Variants in IMMP2L observed in about 807,000 individuals in gnomAD.
The protein encoded by IMMP2L is inner mitochondrial membrane peptidase subunit 2, also known as mitochondrial inner membrane protease subunit 2.
IMMP2L carries 18 observed loss-of-function variants against 19.3 expected under a neutral mutation model. That is an observed-to-expected ratio of 0.93 (90% CI 0.64 to 1.38). The LOEUF is 1.38. IMMP2L is among the 40% of genes most tolerant of loss of function. The pLI, the probability that IMMP2L is intolerant of heterozygous loss-of-function variation, is 0.00. For synonymous variants in IMMP2L, 76 were observed against 73.0 expected, an observed-to-expected ratio of 1.04 and a Z score of -0.21; for missense variants, 233 against 218.2, an observed-to-expected ratio of 1.07 and a Z score of -0.43.
intron 3 of IMMP2L, among the ~76,000 whole-genome samples, chr7:111,296,505 T>TA (rs201949020): frequency 2.6e-5 from 4 of 151,840 alleles, no homozygotes; most frequent in African/African-American, 7.2e-5. Flanking sequence ...AGAATAGCTT[T>TA]AAAAAATGGT....
chr7:111,560,609 C>G (rs1322725121), intron 1 of IMMP2L, among the ~76,000 whole-genome samples: 1 of 152,200 alleles, frequency 6.6e-6, no homozygotes, highest in Non-Finnish European at 1.5e-5. Flanking sequence ...CTGCAAACCA[C>G]TATGATCAGT....
At position 110,904,927 on chromosome 7, in the gene IMMP2L, T is replaced by A. The variant is rs78238692; in HGVS notation, c.306-18232A>T. ...CAAAAGCAATCCTGTTTCACCCTTATCAAAAATCATCCCACTTAGATAATA... is the reference window on the plus strand; with the variant it reads ...CAAAAGCAATCCTGTTTCACCCTTAACAAAAATCATCCCACTTAGATAATA... On this transcript the variant is annotated intron_variant, in intron 4 of 5. Transcript: ENST00000405709. Among the ~76,000 whole-genome samples the A allele has an allele frequency of 5.1e-3, 770 of 152,264 alleles. 4 individuals are homozygous for A. Among genetic ancestry groups the A allele is most frequent in the African/African-American group, 0.018 (729 of 41,562 alleles).
At chr7:111,298,771 A>G (rs544510901) in intron 3 of IMMP2L, among the ~76,000 whole-genome samples, 59 of 151,892 alleles carry the variant, frequency 3.9e-4, no homozygotes, top group African/African-American at 1.4e-3. Flanking sequence ...AAAAAAAAAA[A>G]AGCAGCCGAT....
At chr7:111,200,091 T>C (rs890069856) in intron 3 of IMMP2L, among the ~76,000 whole-genome samples, 6 of 152,094 alleles carry the variant, frequency 3.9e-5, no homozygotes, top group African/African-American at 1.4e-4. Flanking sequence ...AGGTATAGAG[T>C]TATTTTTATT....
At chr7:111,537,532 T>C (rs2132889237) in intron 1 of IMMP2L, among the ~76,000 whole-genome samples, 1 of 134,642 alleles carries the variant, frequency 7.4e-6, no homozygotes, top group Non-Finnish European at 1.6e-5. Flanking sequence ...TTCCACTTTT[T>C]TTTTTTTTTT....
rs1282113653 is a variant in IMMP2L, at chr7:110,969,328, C to G, written c.240-5763G>C. On this transcript the variant is annotated intron_variant, in intron 3 of 5. Coordinates refer to ENST00000405709, the MANE Select transcript of IMMP2L (RefSeq NM_032549.4). ...ATGTAGGTCAGTAGTATTTCAGCTACCTTTTTCCCCTTGCATCATGTAAAT... is the reference window on the plus strand; with the variant it reads ...ATGTAGGTCAGTAGTATTTCAGCTAGCTTTTTCCCCTTGCATCATGTAAAT... 2.0e-5 allele frequency among the ~76,000 whole-genome samples: 3 copies of G among 151,992 alleles called. No individual in the cohort carries two copies. In the East Asian group the frequency reaches 5.8e-4, roughly 30 times the overall value.
At chr7:110,790,289 G>A (rs546636505) in intron 5 of IMMP2L, among the ~76,000 whole-genome samples, 3 of 151,826 alleles carry the variant, frequency 2.0e-5, no homozygotes, top group South Asian at 2.1e-4. Flanking sequence ...GGTAGCCAAA[G>A]GTTGGATCAT....
chr7:111,119,174 T>G (rs1741796416), intron 3 of IMMP2L, among the ~76,000 whole-genome samples: 1 of 152,218 alleles, frequency 6.6e-6, no homozygotes, highest in African/African-American at 2.4e-5. Flanking sequence ...GGTTTCTCCA[T>G]TCTCAGCTAA....
chr7:111,161,501 AG>A (rs1337122878), intron 3 of IMMP2L, among the ~76,000 whole-genome samples: 1 of 152,024 alleles, frequency 6.6e-6, no homozygotes. Flanking sequence ...CAATAGATAT[AG>A]AAAAAAGTAT....
chr7:111,018,784 CT>C lies in IMMP2L; in HGVS notation c.240-55220del, dbSNP rs372582725. 3.3e-5 allele frequency among the ~76,000 whole-genome samples: 4 copies of C among 120,968 alleles called. No homozygotes were observed. The East Asian group carries it at 8.9e-4, about 27-fold the overall frequency. 79.4% of individuals were successfully genotyped at this position (120,968 alleles called of 152,430 possible). ...CCTCTAACCACTGGAAATTGTGTGT[CT>C]TTTTATTATTATTATTATTATTATT... On this transcript the variant is annotated intron_variant, in intron 3 of 5. Transcript: ENST00000405709.
chr7:110,971,508 A>G (rs1052803824), intron 3 of IMMP2L, among the ~76,000 whole-genome samples: 1 of 152,102 alleles, frequency 6.6e-6, no homozygotes, highest in Non-Finnish European at 1.5e-5. Flanking sequence ...GGTGTCCATC[A>G]AGGTGCAGGG....
chr7:111,279,593 T>G (rs576760674), intron 3 of IMMP2L, among the ~76,000 whole-genome samples: 3 of 152,170 alleles, frequency 2.0e-5, no homozygotes, highest in Non-Finnish European at 4.4e-5. Flanking sequence ...TTTACAGTTT[T>G]GTCATCTATG....
In IMMP2L at chr7:110,891,424, C is replaced by T. The variant is rs116687009; in HGVS notation, c.306-4729G>A. Among the ~76,000 whole-genome samples the T allele has an allele frequency of 4.8e-3, 725 of 152,278 alleles. 3 individuals are homozygous for T. Among genetic ancestry groups the T allele is most frequent in the African/African-American group, 0.017 (695 of 41,574 alleles). On this transcript the variant is annotated intron_variant, in intron 4 of 5. Transcript: ENST00000405709. ...AAAGTTAAGAATCAACTTTAATTGG[C>T]CCCAGGCATCTGGCAGAGAATAATC...
At chr7:111,414,955 C>A in intron 3 of IMMP2L, among the ~76,000 whole-genome samples, 1 of 151,722 alleles carries the variant, frequency 6.6e-6, no homozygotes, top group South Asian at 2.1e-4. Flanking sequence ...GTGGGTAGGG[C>A]TTTAAGTATG....
intron 4 of IMMP2L, among the ~76,000 whole-genome samples, chr7:110,944,968 G>T (rs890729252): frequency 5.3e-5 from 8 of 151,900 alleles, no homozygotes; most frequent in Non-Finnish European, 1.0e-4. Context: ...TTGCAATCAT[G>T]TGAAAATATA....
chr7:111,492,059 T>A (rs1843156470), intron 2 of IMMP2L, among the ~76,000 whole-genome samples: 1 of 152,102 alleles, frequency 6.6e-6, no homozygotes, highest in South Asian at 2.1e-4. Flanking sequence ...TGATTATTTC[T>A]ATAATAATAT....
chr7:110,680,041 A>T (rs1179872058), intron 5 of IMMP2L, among the ~76,000 whole-genome samples: 1 of 152,166 alleles, frequency 6.6e-6, no homozygotes, highest in Admixed American at 6.5e-5. Flanking sequence ...ATATTCACAC[A>T]TTACGTTTCC....
At chr7:111,347,611 G>A (rs1476853041) in intron 3 of IMMP2L, among the ~76,000 whole-genome samples, 4 of 151,988 alleles carry the variant, frequency 2.6e-5, no homozygotes. Context: ...AGGGAAGGAT[G>A]GCTACAGAGA....
At chr7:111,076,758 A>G (rs1358129414) in intron 3 of IMMP2L, among the ~76,000 whole-genome samples, 1 of 152,168 alleles carries the variant, frequency 6.6e-6, no homozygotes, top group African/African-American at 2.4e-5. Flanking sequence ...GATGGGGGCA[A>G]TGATGTTATT....
Sources: gnomAD v4.1 joint callset for allele counts (sites outside exome capture counted in the v4.1 genomes callset) on GRCh38, gnomAD v4.1.1 for gene constraint, MANE v1.5 for transcripts, NCBI Gene and HGNC (gene_info 2026-07-23, HGNC 2026-07-21) for gene names.